Variants in FAF1 observed in about 807,000 individuals in gnomAD.
FAF1 encodes the protein FAS-associated factor 1.
FAF1 carries 25 observed loss-of-function variants against 92.5 expected under a neutral mutation model. The observed-to-expected ratio is 0.27, with a 90% confidence interval of 0.20 to 0.38. The LOEUF (loss-of-function observed/expected upper bound fraction) is 0.38, where lower values mean the gene tolerates loss of function less well. Ranked by LOEUF, FAF1 falls within the 10% of genes least tolerant of loss-of-function variation. The pLI is 1.00. For synonymous variants in FAF1, 234 were observed against 273.2 expected (o/e 0.86, Z 1.42); for missense variants, 636 against 793.3 (o/e 0.80, Z 2.38).
intron 1 of FAF1, among the ~76,000 whole-genome samples, chr1:50,861,637 CAA>C (rs1257773766): frequency 6.6e-6 from 1 of 151,686 alleles, no homozygotes; most frequent in East Asian, 1.9e-4. Context: ...ACTAAAAGCC[CAA>C]ACTTTACCAC....
At chr1:50,487,575 C>T (rs1289960704) in intron 17 of FAF1, among the ~76,000 whole-genome samples, 1 of 152,120 alleles carries the variant, frequency 6.6e-6, no homozygotes, top group Non-Finnish European at 1.5e-5. Flanking sequence ...AATAGTCTTA[C>T]AGCCTTTCTC....
At chr1:50,619,039 G>T (rs191526911) in intron 8 of FAF1, among the ~76,000 whole-genome samples, 8 of 152,312 alleles carry the variant, frequency 5.3e-5, no homozygotes, top group Admixed American at 2.0e-4. Flanking sequence ...TTACAGGTGT[G>T]AGCCAGCACA....
chr1:50,596,980 G>A (rs1324094644), intron 8 of FAF1, among the ~76,000 whole-genome samples: 1 of 151,954 alleles, frequency 6.6e-6, no homozygotes, highest in Non-Finnish European at 1.5e-5. Context: ...ACATACATAG[G>A]ACAAATGAAA....
intron 13 of FAF1, among the ~76,000 whole-genome samples, chr1:50,562,451 C>T (rs1337397339): frequency 6.6e-6 from 1 of 152,174 alleles, no homozygotes; most frequent in East Asian, 1.9e-4. Context: ...AATTATGAGG[C>T]TTTAAACACC....
intron 13 of FAF1, among the ~76,000 whole-genome samples, chr1:50,553,353 C>T (rs990147807): frequency 4.6e-5 from 7 of 151,868 alleles, no homozygotes; most frequent in African/African-American, 7.3e-5. Flanking sequence ...GTCTAGGAAC[C>T]GAGAGGATTA....
intron 2 of FAF1, among the ~76,000 whole-genome samples, chr1:50,829,568 G>A (rs930070459): frequency 6.6e-6 from 1 of 152,202 alleles, no homozygotes; most frequent in Non-Finnish European, 1.5e-5. Flanking sequence ...GTGTGCCAAA[G>A]TAGGAAGCTG....
intron 2 of FAF1, among the ~76,000 whole-genome samples, chr1:50,855,006 T>C (rs1158999317): frequency 5.9e-5 from 9 of 151,778 alleles, no homozygotes; most frequent in Non-Finnish European, 1.2e-4. Context: ...TTTTGGATGA[T>C]GTTTGAAAGG....
chr1:50,798,265 G>T (rs1476474260), intron 3 of FAF1, among the ~76,000 whole-genome samples: 1 of 152,090 alleles, frequency 6.6e-6, no homozygotes, highest in African/African-American at 2.4e-5. Flanking sequence ...ATCTTCTCTA[G>T]GTGTTCTCAA....
At chr1:50,692,308 A>C (rs978304410) in intron 7 of FAF1, among the ~76,000 whole-genome samples, 1 of 146,966 alleles carries the variant, frequency 6.8e-6, no homozygotes, top group Non-Finnish European at 1.5e-5. Flanking sequence ...GAACATTTAA[A>C]TTCTAATCTT....
At chr1:50,887,765 G>T (rs930139505) in intron 1 of FAF1, among the ~76,000 whole-genome samples, 1 of 152,198 alleles carries the variant, frequency 6.6e-6, no homozygotes, top group Non-Finnish European at 1.5e-5. Flanking sequence ...GTACCATGCT[G>T]TTTTGGTTAC....
intron 1 of FAF1, among the ~76,000 whole-genome samples, chr1:50,953,460 C>T (rs1645237287): frequency 6.6e-6 from 1 of 151,650 alleles, no homozygotes; most frequent in African/African-American, 2.4e-5. Context: ...TTTGGCCAGA[C>T]GCAGTGGCTC....
At chr1:50,760,502 G>A (rs537588156) in intron 4 of FAF1, among the ~76,000 whole-genome samples, 1 of 152,254 alleles carries the variant, frequency 6.6e-6, no homozygotes, top group East Asian at 1.9e-4. Flanking sequence ...AGACCACGGT[G>A]CAATCAAACT....
chr1:50,686,600 A>G (rs1569763150), intron 7 of FAF1, among the ~76,000 whole-genome samples: 1 of 43,622 alleles, frequency 2.3e-5, no homozygotes, highest in Non-Finnish European at 4.1e-5. Flanking sequence ...GGAAAGGGAG[A>G]GGAGGGGAGG....
At chr1:50,504,295 G>A (rs1275511989) in intron 15 of FAF1, among the ~76,000 whole-genome samples, 2 of 151,850 alleles carry the variant, frequency 1.3e-5, no homozygotes, top group African/African-American at 4.8e-5. Context: ...GAATACAGTG[G>A]ATTAAGCAAT....
intron 4 of FAF1, among the ~76,000 whole-genome samples, chr1:50,747,140 T>C (rs142425135): frequency 2.6e-3 from 390 of 152,298 alleles, no homozygotes; most frequent in African/African-American, 9.0e-3. Context: ...ACAGTCTCCA[T>C]TGGGGCACTG....
intron 16 of FAF1, 44 bp downstream of exon 16, chr1:50,491,677 G>T: frequency 1.4e-6 from 2 of 1,383,316 alleles, no homozygotes; most frequent in South Asian, 1.2e-5. Context: ...TTTAAATAAT[G>T]AACAATTGAG....
At chr1:50,522,582 A>G (rs1647559992) in intron 15 of FAF1, among the ~76,000 whole-genome samples, 1 of 152,198 alleles carries the variant, frequency 6.6e-6, no homozygotes. Context: ...ACTGCTCAGG[A>G]TTAAAGTTCA....
intron 8 of FAF1, among the ~76,000 whole-genome samples, chr1:50,647,233 A>T (rs1450162658): frequency 6.6e-6 from 1 of 152,222 alleles, no homozygotes; most frequent in Non-Finnish European, 1.5e-5. Flanking sequence ...AACCTAACTT[A>T]TGAGCATATG....
At chr1:50,512,738 G>A (rs954982299) in intron 15 of FAF1, among the ~76,000 whole-genome samples, 1 of 152,134 alleles carries the variant, frequency 6.6e-6, no homozygotes, top group Non-Finnish European at 1.5e-5. Context: ...GGTTCCATAT[G>A]ATACTTAAAG....
Sources: gnomAD v4.1 joint callset for allele counts (sites outside exome capture counted in the v4.1 genomes callset) on GRCh38, gnomAD v4.1.1 for gene constraint, MANE v1.5 for transcripts, NCBI Gene and HGNC (gene_info 2026-07-23, HGNC 2026-07-21) for gene names.